Variants in NT5E observed in about 807,000 individuals in gnomAD.
The protein encoded by NT5E is 5'-nucleotidase ecto.
A neutral mutation model predicts 55.1 loss-of-function variants in NT5E; 53 were observed. The ratio of observed to expected loss-of-function variants is 0.96; its 90% CI spans 0.77 to 1.21. NT5E has a LOEUF of 1.21. Ranked by LOEUF, NT5E falls within the 50% of genes most tolerant of loss-of-function variation. The pLI is 0.00. For synonymous variants in NT5E, 270 were observed against 278.4 expected (o/e 0.97, Z 0.30); for missense variants, 683 against 724.3 (o/e 0.94, Z 0.65).
intron 3 of NT5E, among the ~76,000 whole-genome samples, chr6:85,485,019 A>C (rs1202250109): frequency 6.6e-6 from 1 of 152,194 alleles, no homozygotes; most frequent in East Asian, 1.9e-4. Context: ...AGCTTGGTAA[A>C]TGACTGCTGA....
At chr6:85,454,723 C>T (rs1228853329) in intron 1 of NT5E, among the ~76,000 whole-genome samples, 3 of 152,024 alleles carry the variant, frequency 2.0e-5, no homozygotes, top group Non-Finnish European at 1.5e-5. Context: ...TAATAGTTTG[C>T]TAATTTAAAG....
Position 85,467,172 on chromosome 6 carries a change from C to T in NT5E, c.452C>T (p.Ala151Val). 2 of 1,614,098 alleles carry T rather than the reference C, an allele frequency of 1.2e-6. No homozygotes were observed. Among genetic ancestry groups the T allele is most frequent in the Non-Finnish European group, 1.7e-6 (2 of 1,179,956 alleles). Residue 151 changes from alanine to valine, a missense_variant, in exon 2 of 9, where the codon GCA becomes GTA. Transcript: ENST00000257770. ...AACATTAAAGCAAAGGGGCCACTAG[C>T]ATCTCAAATATCAGGACTTTATTTG... is the stretch of plus-strand genomic sequence containing the variant. ...SANIKAKGPLASQISGLYLPY... is the reference protein window; with the variant it reads ...SANIKAKGPLVSQISGLYLPY...
Position 85,450,964 on chromosome 6 carries a change from G to A in NT5E, c.339+486G>A, listed in dbSNP as rs971041960. Among the ~76,000 whole-genome samples the A allele has an allele frequency of 2.4e-4, 36 of 152,226 alleles. No homozygotes were observed. The highest frequency in any genetic ancestry group is 1.6e-4 in the Non-Finnish European group (11 of 68,040). The stretch of plus-strand genomic sequence containing the variant: ...CAAAAAGGGAGACGTGATAAGAATG[G>A]ACACCAGATCTCTTTGACCCCGGAG... On this transcript the variant is annotated intron_variant, in intron 1 of 8. Coordinates refer to ENST00000257770, the MANE Select transcript of NT5E (RefSeq NM_002526.4). This position sits in a 1 kb window ranked among gnomAD's most constrained non-coding sequence, Gnocchi z 4.0.
intron 3 of NT5E, among the ~76,000 whole-genome samples, chr6:85,477,337 G>A (rs1263029014): frequency 6.7e-6 from 1 of 149,350 alleles, no homozygotes; most frequent in Non-Finnish European, 1.5e-5. Flanking sequence ...TGATTGATCA[G>A]TTTTTTTTTT....
At chr6:85,452,818 T>C (rs1384099920) in intron 1 of NT5E, among the ~76,000 whole-genome samples, 1 of 152,194 alleles carries the variant, frequency 6.6e-6, no homozygotes, top group Non-Finnish European at 1.5e-5. Context: ...GTTCCTCCAC[T>C]GTAACCACTC....
chr6:85,479,882 T>C (rs570654042), intron 3 of NT5E, among the ~76,000 whole-genome samples: 1 of 152,292 alleles, frequency 6.6e-6, no homozygotes, highest in Admixed American at 6.5e-5. Flanking sequence ...GCCTGTTCTA[T>C]AATGTAAGAA....
chr6:85,484,867 CTG>C (rs902829826), intron 3 of NT5E, among the ~76,000 whole-genome samples: 1 of 152,150 alleles, frequency 6.6e-6, no homozygotes, highest in African/African-American at 2.4e-5. Context: ...GGCAAGGAAA[CTG>C]AACTACAGTA....
intron 1 of NT5E, among the ~76,000 whole-genome samples, chr6:85,458,697 G>A (rs1356550107): frequency 6.6e-6 from 1 of 152,114 alleles, no homozygotes; most frequent in African/African-American, 2.4e-5. Flanking sequence ...CCAAATATTA[G>A]CTGGAGCCCT....
chr6:85,491,897 T>G, intron 7 of NT5E, 80 bp from the exon 8 acceptor site: 9 of 1,238,118 alleles, frequency 7.3e-6, no homozygotes, highest in African/African-American at 1.5e-5. Flanking sequence ...CATGCCCCAA[T>G]TGTAGAGTTT....
chr6:85,465,740 T>A (rs1159820129), intron 1 of NT5E, among the ~76,000 whole-genome samples: 1 of 152,180 alleles, frequency 6.6e-6, no homozygotes, highest in East Asian at 1.9e-4. Flanking sequence ...GGGACAGCAC[T>A]GAGCAGGAGA....
At position 85,494,615 on chromosome 6, in the gene NT5E, T is replaced by C. The variant is rs137869371; in HGVS notation, c.*611T>C. On this transcript the variant is annotated 3_prime_UTR_variant, in exon 9 of 9. Coordinates refer to ENST00000257770, the MANE Select transcript of NT5E (RefSeq NM_002526.4). Reference sequence around the variant, plus strand: ...ATAATTATCAATAGCCCCAAGCTCATGGATGACAAATCTCTGCTTTATTTC... The same window carrying C: ...ATAATTATCAATAGCCCCAAGCTCACGGATGACAAATCTCTGCTTTATTTC... The C allele has an allele frequency of 6.5e-6, 1 of 153,596 alleles. No individual in the cohort carries two copies. Among genetic ancestry groups the C allele is most frequent in the East Asian group, 1.9e-4 (1 of 5,198 alleles). The allele number at this position is 153,596 out of a possible 1,614,324, so 9.5% of individuals were successfully genotyped here.
rs763526349 is a variant in NT5E at position 85,485,422 on chromosome 6, C to G, written c.939C>G (p.Ser313Arg). Residue 313 changes from serine to arginine, a missense_variant, in exon 4 of 9, where the codon AGC (serine) becomes AGG (arginine). Coordinates refer to ENST00000257770, the MANE Select transcript of NT5E (RefSeq NM_002526.4). ...GAAATCCCATTCTTCTAAACAGCAG[C>G]ATTCCTGAAGGTAAGTGAAGTTCAG... ...SHGNPILLNS[S>R]IPEDPSIKAD... is the part of the protein sequence containing the mutation. 10 of 1,614,118 alleles carry G rather than the reference C, an allele frequency of 6.2e-6. No homozygotes were observed. In the South Asian group the frequency reaches 8.8e-5, roughly 14 times the overall value.
Position 85,450,523 on chromosome 6 carries a change from G to A in NT5E, c.339+45G>A. The A allele has an allele frequency of 6.6e-7, 1 of 1,524,968 alleles. No individual in the cohort carries two copies. The highest frequency in any genetic ancestry group is 8.9e-7 in the Non-Finnish European group (1 of 1,122,118). The allele number at this position is 1,524,968 out of a possible 1,614,324, so 94.5% of individuals were successfully genotyped here. A position where few individuals can be genotyped will look rare whatever the true frequency, so the allele number is the denominator to read the frequency against. On this transcript the variant is annotated intron_variant, in intron 1 of 8. Coordinates refer to ENST00000257770, the MANE Select transcript of NT5E (RefSeq NM_002526.4). This position sits in a 1 kb window ranked among gnomAD's most constrained non-coding sequence, Gnocchi z 4.0. ...CCGGGATAGTAGTCCCGGACTGAGA[G>A]AGGAGCCGGGCTGGAAAAGCAGCGG...
At chr6:85,454,661 G>A (rs887828177) in intron 1 of NT5E, among the ~76,000 whole-genome samples, 3 of 152,130 alleles carry the variant, frequency 2.0e-5, no homozygotes, top group African/African-American at 7.2e-5. Context: ...TTCATTTCTT[G>A]TAATTGAATT....
intron 3 of NT5E, among the ~76,000 whole-genome samples, chr6:85,475,022 G>A (rs1209109424): frequency 1.3e-5 from 2 of 152,072 alleles, no homozygotes; most frequent in East Asian, 3.9e-4. Context: ...AAACTTTCCT[G>A]GCCTTAAGAA....
intron 3 of NT5E, among the ~76,000 whole-genome samples, chr6:85,475,197 C>T (rs1184961932): frequency 6.6e-6 from 1 of 152,204 alleles, no homozygotes; most frequent in Non-Finnish European, 1.5e-5. Flanking sequence ...TACAAACACA[C>T]ATGGAAGAAA....
chr6:85,475,428 C>T, intron 3 of NT5E, among the ~76,000 whole-genome samples: 1 of 152,206 alleles, frequency 6.6e-6, no homozygotes, highest in East Asian at 1.9e-4. Context: ...AAGTACCATG[C>T]ATATGCAGCT....
At chr6:85,469,461 A>C (rs1202568984) in intron 2 of NT5E, among the ~76,000 whole-genome samples, 3 of 152,090 alleles carry the variant, frequency 2.0e-5, no homozygotes, top group East Asian at 3.8e-4. Context: ...TGGGGGAATC[A>C]ATAAATGAGT....
chr6:85,487,560 C>A, intron 5 of NT5E, 71 bp downstream of exon 5: 1 of 1,565,352 alleles, frequency 6.4e-7, no homozygotes, highest in Non-Finnish European at 8.8e-7. Context: ...AGGAAGGATG[C>A]GAGAAGGGAT....
Sources: allele counts gnomAD v4.1 joint callset (sites outside exome capture counted in the v4.1 genomes callset), GRCh38; gene constraint gnomAD v4.1.1; non-coding constraint Gnocchi (gnomAD v3.1); transcripts MANE v1.5; gene names NCBI Gene and HGNC (gene_info 2026-07-23, HGNC 2026-07-21).